The following KIF18A variants were observed in gnomAD, a reference collection of about 807,000 sequenced individuals.
The protein encoded by KIF18A is kinesin-like protein KIF18A.
In KIF18A, 67 loss-of-function variants were observed where a neutral mutation model predicts 103.3. That is an observed-to-expected ratio of 0.65 (90% CI 0.53 to 0.79). The LOEUF (loss-of-function observed/expected upper bound fraction) is 0.79, where lower values mean the gene tolerates loss of function less well. KIF18A is among the 30% of genes least tolerant of loss of function. The pLI, the probability that KIF18A is intolerant of heterozygous loss-of-function variation, is 0.00. For missense variants in KIF18A, 1,032 were observed against 1,062.5 expected (o/e 0.97, Z 0.40); for synonymous variants, 367 against 355.5 (o/e 1.03, Z -0.36).
chr11:28,101,156 G>C (rs902883499), intron 1 of KIF18A, among the ~76,000 whole-genome samples: 1 of 151,812 alleles, frequency 6.6e-6, no homozygotes, highest in African/African-American at 2.4e-5. Flanking sequence ...CCTGTTATAG[G>C]GCATTTAGAA....
intron 13 of KIF18A, among the ~76,000 whole-genome samples, chr11:28,044,792 C>T (rs79501918): frequency 1.3e-5 from 2 of 151,666 alleles, no homozygotes; most frequent in South Asian, 4.1e-4. Flanking sequence ...ATATTTTCAT[C>T]AATAACCCAG....
At chr11:28,077,311 TG>T in intron 9 of KIF18A, 142 bp from the exon 10 acceptor site, 1 of 533,008 alleles carries the variant, frequency 1.9e-6, no homozygotes, top group Non-Finnish European at 3.2e-6. Flanking sequence ...TAGGTAAAAA[TG>T]ACTATTTCCT....
chr11:28,091,305 GT>G (rs991713113), intron 4 of KIF18A, 103 bp downstream of exon 4: 5 of 619,116 alleles, frequency 8.1e-6, no homozygotes, highest in Non-Finnish European at 1.1e-5. Flanking sequence ...TACCTCATTA[GT>G]TTTTTTTCTC....
intron 13 of KIF18A, among the ~76,000 whole-genome samples, chr11:28,038,423 A>G (rs1850520716): frequency 6.6e-6 from 1 of 151,596 alleles, no homozygotes; most frequent in Admixed American, 6.6e-5. Flanking sequence ...GACATGAAAT[A>G]CCTTTGCTTG....
At chr11:28,064,078 A>C (rs971407379) in intron 11 of KIF18A, among the ~76,000 whole-genome samples, 2 of 151,256 alleles carry the variant, frequency 1.3e-5, no homozygotes, top group Non-Finnish European at 3.0e-5. Flanking sequence ...TATATATATT[A>C]AAGTTAGGAT....
At chr11:28,026,519 T>G (rs1302289198) in intron 15 of KIF18A, among the ~76,000 whole-genome samples, 1 of 151,748 alleles carries the variant, frequency 6.6e-6, no homozygotes, top group Admixed American at 6.6e-5. Flanking sequence ...ATAGAACAAT[T>G]AATAGGCTAT....
At chr11:28,060,970 G>T (rs1450642018) in intron 12 of KIF18A, among the ~76,000 whole-genome samples, 1 of 152,148 alleles carries the variant, frequency 6.6e-6, no homozygotes, top group African/African-American at 2.4e-5. Flanking sequence ...TCTGTGTCAG[G>T]GTTCCTGCAG....
At chr11:28,098,899 A>C (rs1438564815) in intron 1 of KIF18A, among the ~76,000 whole-genome samples, 1 of 152,078 alleles carries the variant, frequency 6.6e-6, no homozygotes, top group African/African-American at 2.4e-5. Context: ...CCAAACCACA[A>C]AACAAAATAA....
intron 1 of KIF18A, among the ~76,000 whole-genome samples, chr11:28,107,398 G>A (rs1851540849): frequency 6.6e-6 from 1 of 151,382 alleles, no homozygotes; most frequent in African/African-American, 2.4e-5. Flanking sequence ...AAAGTCCTGC[G>A]GAAACCAAGA....
chr11:28,051,461 C>T (rs1590678260), intron 13 of KIF18A, among the ~76,000 whole-genome samples: 1 of 151,726 alleles, frequency 6.6e-6, no homozygotes, highest in African/African-American at 2.4e-5. Context: ...TGCTAGTCTC[C>T]TTGGAAAAAA....
chr11:28,093,973 T>C (rs1048094807), intron 3 of KIF18A, among the ~76,000 whole-genome samples: 5 of 152,256 alleles, frequency 3.3e-5, no homozygotes, highest in South Asian at 4.1e-4. Context: ...ATAAAACTGA[T>C]CAAAGTTAAC....
In KIF18A at chr11:28,091,400, T is replaced by C; in HGVS notation, c.588+9A>G. 1 of 1,440,658 alleles carries C rather than the reference T, an allele frequency of 6.9e-7. No individual in the cohort carries two copies. The highest frequency in any genetic ancestry group is 1.2e-5 in the South Asian group (1 of 85,254). The allele number at this position is 1,440,658 out of a possible 1,614,324, so 89.2% of individuals were successfully genotyped here. On this transcript the variant is annotated intron_variant, in intron 4 of 16. Transcript: ENST00000263181. ...ATTCTAACAGGGAAAAAGATGTTTA[T>C]ATACATACCTGGTGTAAAGTAAGTC... is the stretch of plus-strand genomic sequence containing the variant.
intron 3 of KIF18A, among the ~76,000 whole-genome samples, 199 bp downstream of exon 3, chr11:28,094,444 C>T (rs1043716776): frequency 6.7e-6 from 1 of 149,774 alleles, no homozygotes; most frequent in African/African-American, 2.5e-5. Context: ...ACTATTGTTG[C>T]AACTTCTCTA....
intron 11 of KIF18A, among the ~76,000 whole-genome samples, chr11:28,066,351 A>AT (rs1179402141): frequency 1.3e-5 from 2 of 151,916 alleles, no homozygotes; most frequent in East Asian, 3.9e-4. Flanking sequence ...CTTTGAAGTG[A>AT]TTTTATCAAC....
At chr11:28,069,530 G>A in intron 10 of KIF18A, 107 bp from the exon 11 acceptor site, 1 of 1,037,200 alleles carries the variant, frequency 9.6e-7, no homozygotes. Context: ...AGTAAATTAA[G>A]TTAGGCTACA....
At chr11:28,081,562 GA>G (rs1851165544) in intron 9 of KIF18A, among the ~76,000 whole-genome samples, 2 of 152,008 alleles carry the variant, frequency 1.3e-5, no homozygotes, top group African/African-American at 4.8e-5. Flanking sequence ...CTATTGCTCA[GA>G]AAAAAAGATT....
chr11:28,021,001 T>C lies in KIF18A; in HGVS notation c.*199A>G, dbSNP rs2133477855. 1 of 416,680 alleles carries C rather than the reference T, an allele frequency of 2.4e-6. No homozygotes were observed. Among genetic ancestry groups the C allele is most frequent in the Non-Finnish European group, 3.7e-6 (1 of 273,520 alleles). 25.8% of individuals were successfully genotyped at this position (416,680 alleles called of 1,614,324 possible). The stretch of plus-strand genomic sequence containing the variant: ...TTTAAAAAACTTAAAAGACAACCTT[T>C]TCTTTTGAAATTTTATTTTTTTAGA... On this transcript the variant is annotated 3_prime_UTR_variant, in exon 17 of 17. Coordinates refer to ENST00000263181, the MANE Select transcript of KIF18A (RefSeq NM_031217.4).
At chr11:28,067,924 C>T (rs1212080118) in intron 11 of KIF18A, among the ~76,000 whole-genome samples, 1 of 152,142 alleles carries the variant, frequency 6.6e-6, no homozygotes, top group Non-Finnish European at 1.5e-5. Context: ...TGGGTATATA[C>T]TCAAAGGATT....
chr11:28,098,468 TAA>T lies in KIF18A; in HGVS notation c.-46-477_-46-476del, dbSNP rs1374091293. ...GCCTTAGCTTGTGAACTATTTTTAG[TAA>T]AAGTGATCTTGGCTGCAAGCCCCTT... On this transcript the variant is annotated intron_variant, in intron 1 of 16. Coordinates refer to ENST00000263181, the MANE Select transcript of KIF18A (RefSeq NM_031217.4). Among the ~76,000 whole-genome samples the T allele has an allele frequency of 2.6e-5, 4 of 152,288 alleles. No homozygotes were observed. In the East Asian group the frequency reaches 7.7e-4, roughly 29 times the overall value.
Sources: allele counts gnomAD v4.1 joint callset (sites outside exome capture counted in the v4.1 genomes callset), GRCh38; gene constraint gnomAD v4.1.1; transcripts MANE v1.5; gene names NCBI Gene and HGNC (gene_info 2026-07-23, HGNC 2026-07-21).